The following MAP3K7CL variants were observed in gnomAD, a reference collection of about 807,000 sequenced individuals.
MAP3K7CL encodes MAP3K7 C-terminal like, also known as MAP3K7 C-terminal-like protein.
MAP3K7CL carries 16 observed loss-of-function variants against 18.6 expected under a neutral mutation model. That is an observed-to-expected ratio of 0.86 (90% confidence interval 0.58 to 1.31). The LOEUF is 1.31. Among genes scored for constraint, MAP3K7CL ranks in the 50% most tolerant of loss-of-function variants. The pLI, the probability that MAP3K7CL is intolerant of heterozygous loss-of-function variation, is 0.00. For synonymous variants in MAP3K7CL, 65 were observed against 66.8 expected, an observed-to-expected ratio of 0.97 and a Z score of 0.13; for missense variants, 163 against 174.4, an observed-to-expected ratio of 0.93 and a Z score of 0.37.
intron 1 of MAP3K7CL, among the ~76,000 whole-genome samples, chr21:29,089,323 G>A (rs565432602): frequency 1.3e-5 from 2 of 152,100 alleles, no homozygotes; most frequent in East Asian, 3.9e-4. Flanking sequence ...GAGAGCCCAA[G>A]ATGGGCCTTA....
chr21:29,085,451 G>A (rs1335889638), upstream of MAP3K7CL, among the ~76,000 whole-genome samples: 1 of 151,542 alleles, frequency 6.6e-6, no homozygotes, highest in Non-Finnish European at 1.5e-5. Context: ...TTAGGCTGAG[G>A]CAGGAGAATG....
At chr21:29,097,884 T>TA (rs1349719374) in intron 4 of MAP3K7CL, among the ~76,000 whole-genome samples, 1 of 152,098 alleles carries the variant, frequency 6.6e-6, no homozygotes, top group African/African-American at 2.4e-5. Flanking sequence ...GACAACATCA[T>TA]AAAAAATGTG....
chr21:29,083,950 TTATAATA>T (rs138227217), upstream of MAP3K7CL, among the ~76,000 whole-genome samples: 2,216 of 147,534 alleles, frequency 0.015, 48 homozygotes, highest in African/African-American at 0.052. Flanking sequence ...TCATTTAATA[TTATAATA>T]TATAATATAT....
intron 4 of MAP3K7CL, among the ~76,000 whole-genome samples, chr21:29,100,243 A>G (rs1470835761): frequency 2.0e-5 from 3 of 152,306 alleles, no homozygotes; most frequent in South Asian, 2.1e-4. Context: ...CTTCATCTCA[A>G]TTGAGTAATC....
intron 1 of MAP3K7CL, among the ~76,000 whole-genome samples, chr21:29,132,466 T>C (rs568957409): frequency 1.3e-5 from 2 of 152,314 alleles, no homozygotes; most frequent in African/African-American, 4.8e-5. Flanking sequence ...AAGCATATGA[T>C]ATTCATCATA....
intron 3 of MAP3K7CL, among the ~76,000 whole-genome samples, chr21:29,158,950 T>C (rs2146720075): frequency 7.2e-6 from 1 of 138,914 alleles, no homozygotes; most frequent in Middle Eastern, 3.7e-3. Flanking sequence ...CAATGGAGTC[T>C]CACTCTGTCA....
intron 4 of MAP3K7CL, among the ~76,000 whole-genome samples, chr21:29,120,254 A>G (rs2086570136): frequency 6.7e-6 from 1 of 150,068 alleles, no homozygotes; most frequent in Non-Finnish European, 1.5e-5. Context: ...GTGTATTTGT[A>G]TCTTTGTATA....
upstream of MAP3K7CL, chr21:29,130,438 T>C (rs543252753): frequency 7.3e-6 from 2 of 274,600 alleles, no homozygotes; most frequent in Non-Finnish European, 1.1e-5. Context: ...ACTGGAGTCA[T>C]GCTATCTTTG....
At chr21:29,103,292 T>C (rs2086264678) in intron 4 of MAP3K7CL, among the ~76,000 whole-genome samples, 1 of 152,154 alleles carries the variant, frequency 6.6e-6, no homozygotes, top group South Asian at 2.1e-4. Context: ...GGCCGTATGT[T>C]ACAGAAGGAA....
intron 3 of MAP3K7CL, among the ~76,000 whole-genome samples, chr21:29,158,313 C>T (rs189918731): frequency 6.6e-6 from 1 of 152,260 alleles, no homozygotes. Context: ...TACTGTAGTA[C>T]TACTGTGCGT....
At chr21:29,129,744 T>C (rs1033983025), upstream of MAP3K7CL, among the ~76,000 whole-genome samples, 2 of 152,262 alleles carry the variant, frequency 1.3e-5, no homozygotes, top group Admixed American at 6.5e-5. Flanking sequence ...TAAAGTGGGA[T>C]ATACTATTAT....
upstream of MAP3K7CL, among the ~76,000 whole-genome samples, chr21:29,083,080 T>C (rs2085863404): frequency 6.6e-6 from 1 of 152,236 alleles, no homozygotes; most frequent in South Asian, 2.1e-4. Flanking sequence ...TGAAATGAAT[T>C]CAGAAATATT....
chr21:29,135,334 A>G (rs2086862601), intron 2 of MAP3K7CL, among the ~76,000 whole-genome samples: 1 of 152,186 alleles, frequency 6.6e-6, no homozygotes, highest in African/African-American at 2.4e-5. Context: ...CTAGCTCTCA[A>G]GACACACGCG....
At chr21:29,094,515 T>C (rs1342824051) in intron 4 of MAP3K7CL, among the ~76,000 whole-genome samples, 2 of 152,256 alleles carry the variant, frequency 1.3e-5, no homozygotes, top group Admixed American at 6.5e-5. Flanking sequence ...AGAGAAATCC[T>C]TCACTATGCA....
At chr21:29,114,626 A>G (rs1429620861) in intron 4 of MAP3K7CL, among the ~76,000 whole-genome samples, 1 of 152,166 alleles carries the variant, frequency 6.6e-6, no homozygotes, top group East Asian at 1.9e-4. Flanking sequence ...CCTGGGCTCA[A>G]AAGATCCACC....
chr21:29,130,954 A>C (rs1304176303), intron 1 of MAP3K7CL, 31 bp downstream of exon 1: 5 of 977,316 alleles, frequency 5.1e-6, no homozygotes, highest in Non-Finnish European at 6.1e-6. Flanking sequence ...ACTGAACTAA[A>C]TGCTCAGATC....
chr21:29,140,402 A>G (rs1024812572), intron 2 of MAP3K7CL, among the ~76,000 whole-genome samples: 5 of 152,194 alleles, frequency 3.3e-5, no homozygotes, highest in African/African-American at 1.2e-4. Context: ...CTTCTCATCA[A>G]TTTAATATTG....
intron 1 of MAP3K7CL, among the ~76,000 whole-genome samples, chr21:29,089,787 GAA>G (rs960273584): frequency 6.9e-6 from 1 of 145,260 alleles, no homozygotes; most frequent in African/African-American, 2.5e-5. Context: ...GTGAAAGCAA[GAA>G]AAAAGAGGAA....
At chr21:29,163,693 C>CTTTTT (rs397866386) in intron 4 of MAP3K7CL, among the ~76,000 whole-genome samples, 2 of 126,004 alleles carry the variant, frequency 1.6e-5, no homozygotes, top group African/African-American at 3.0e-5. Context: ...CCCTTTCTTC[C>CTTTTT]TTTTTTTTTT....
Sources: allele counts gnomAD v4.1 joint callset (sites outside exome capture counted in the v4.1 genomes callset), GRCh38; gene constraint gnomAD v4.1.1; transcripts MANE v1.5; gene names NCBI Gene and HGNC (gene_info 2026-07-23, HGNC 2026-07-21).